Variants in RAB11A observed in about 807,000 individuals in gnomAD.
RAB11A encodes ras-related protein Rab-11A.
Under a neutral mutation model 28.0 loss-of-function variants are expected in RAB11A, and 9 were observed. The observed-to-expected ratio is 0.32, with a 90% CI of 0.19 to 0.56. RAB11A has a LOEUF of 0.56. RAB11A is among the 20% of genes least tolerant of loss of function. The pLI, the probability that RAB11A is intolerant of heterozygous loss-of-function variation, is 0.91. For synonymous variants in RAB11A, 85 were observed against 88.2 expected (o/e 0.96, Z 0.20); for missense variants, 108 against 269.6 (o/e 0.40, Z 4.20).
chr15:65,886,733 CAT>C (rs534946672), intron 4 of RAB11A, among the ~76,000 whole-genome samples: 3 of 152,198 alleles, frequency 2.0e-5, no homozygotes, highest in Admixed American at 6.5e-5. Flanking sequence ...TATCACAACA[CAT>C]GTTATATGTT....
At position 65,888,459 on chromosome 15, in the gene RAB11A, G is replaced by C. The variant is rs181133969; in HGVS notation, c.*619G>C. Reference sequence around the variant, plus strand: ...GCACTTTTTCTGGAGAATTCTCTTAGTAAACACAAAAGATTGTTACGGTTT... The same window carrying C: ...GCACTTTTTCTGGAGAATTCTCTTACTAAACACAAAAGATTGTTACGGTTT... On this transcript the variant is annotated 3_prime_UTR_variant, in exon 5 of 5. Transcript: ENST00000261890. The C allele has an allele frequency of 1.4e-4, 21 of 152,600 alleles. No individual in the cohort carries two copies. Among genetic ancestry groups the C allele is most frequent in the South Asian group, 2.1e-4 (1 of 4,818 alleles). 9.5% of individuals were successfully genotyped at this position (152,600 alleles called of 1,614,324 possible).
intron 4 of RAB11A, among the ~76,000 whole-genome samples, chr15:65,884,681 G>A (rs778654169): frequency 6.9e-4 from 104 of 150,396 alleles, no homozygotes; most frequent in South Asian, 6.3e-4. Flanking sequence ...TGCCACCAAA[G>A]CAATAAAGAG....
intron 1 of RAB11A, among the ~76,000 whole-genome samples, chr15:65,874,803 TG>T (rs1169365626): frequency 6.6e-6 from 1 of 152,036 alleles, no homozygotes; most frequent in Non-Finnish European, 1.5e-5. Flanking sequence ...CCCAGTACTT[TG>T]GGAGGCCAAA....
intron 4 of RAB11A, among the ~76,000 whole-genome samples, chr15:65,880,052 T>C (rs1379964054): frequency 6.6e-6 from 1 of 152,238 alleles, no homozygotes; most frequent in East Asian, 1.9e-4. Context: ...TTAAATGTAC[T>C]TTTATGAGGT....
Position 65,869,502 on chromosome 15 carries a change from G to C in RAB11A, c.-84G>C. 2.6e-6 allele frequency: 4 copies of C among 1,537,494 alleles called. No individual in the cohort carries two copies. The highest frequency in any genetic ancestry group is 2.3e-5 in the East Asian group (1 of 43,094). On this transcript the variant is annotated 5_prime_UTR_variant, in exon 1 of 5. Transcript: ENST00000261890. ...TCACCCAGTCCGGCAGTTGAAGCTC[G>C]GCGCTCGGGTTACCCCTGCAGCGAC...
rs189518093 is a variant in RAB11A, at chr15:65,874,223, A to T, written c.41-3109A>T. On this transcript the variant is annotated intron_variant, in intron 1 of 4. Transcript: ENST00000261890. The stretch of plus-strand genomic sequence containing the variant: ...CTCAAATACAGCAGATGTCTAGTTG[A>T]TAACTTTTTTTTTTTTTTTTGAGAT... 5.6e-3 allele frequency among the ~76,000 whole-genome samples: 843 copies of T among 151,666 alleles called. 8 individuals carry two copies. Among genetic ancestry groups the T allele is most frequent in the Non-Finnish European group, 8.2e-3 (559 of 67,884 alleles).
intron 4 of RAB11A, among the ~76,000 whole-genome samples, chr15:65,885,974 T>A (rs2078253504): frequency 6.6e-6 from 1 of 152,198 alleles, no homozygotes; most frequent in Non-Finnish European, 1.5e-5. Context: ...ATTGGTACAT[T>A]ATCTCGTGAA....
intron 4 of RAB11A, among the ~76,000 whole-genome samples, chr15:65,884,898 T>C (rs2078245861): frequency 6.6e-6 from 1 of 151,932 alleles, no homozygotes; most frequent in Non-Finnish European, 1.5e-5. Flanking sequence ...TATTTCCTTC[T>C]TTCAAAGGCA....
intron 1 of RAB11A, 27 bp downstream of exon 1, chr15:65,869,652 C>G: frequency 6.2e-7 from 1 of 1,604,148 alleles, no homozygotes. Context: ...TCGCACTCTA[C>G]ACAGTCCTCG....
chr15:65,878,875 C>A (rs1353384420), intron 3 of RAB11A, among the ~76,000 whole-genome samples: 6 of 152,122 alleles, frequency 3.9e-5, no homozygotes, highest in African/African-American at 1.4e-4. Flanking sequence ...ATGGAAATAA[C>A]TGGGCACTTG....
chr15:65,890,514 G>C lies in RAB11A; in HGVS notation c.*2674G>C, dbSNP rs552706689. The stretch of plus-strand genomic sequence containing the variant: ...ATTGCCCATTTAATTGTAATTATAA[G>C]AAGAGGTGCCAGCTAGTGACCTTAC... On this transcript the variant is annotated 3_prime_UTR_variant, in exon 5 of 5. Transcript: ENST00000261890. 24 of 152,276 alleles carry C rather than the reference G, an allele frequency of 1.6e-4. No homozygotes were observed. Among genetic ancestry groups the C allele is most frequent in the African/African-American group, 5.8e-4 (24 of 41,556 alleles). The allele number at this position is 152,276 out of a possible 1,614,324, so 9.4% of individuals were successfully genotyped here. A position where few individuals can be genotyped will look rare whatever the true frequency, so the allele number is the denominator to read the frequency against.
intron 3 of RAB11A, 80 bp downstream of exon 3, chr15:65,878,035 T>C (rs2078199581): frequency 1.5e-6 from 2 of 1,321,144 alleles, no homozygotes; most frequent in Admixed American, 3.4e-5. Flanking sequence ...TAATAGGTTA[T>C]AATAGTTTCA....
Position 65,877,329 on chromosome 15 carries a change from C to A in RAB11A, c.41-3C>A. The A allele has an allele frequency of 6.2e-7, 1 of 1,606,758 alleles. No homozygotes were observed. The highest frequency in any genetic ancestry group is 8.5e-7 in the Non-Finnish European group (1 of 1,175,238). On this transcript the variant is annotated splice_region_variant and splice_polypyrimidine_tract_variant and intron_variant, in intron 1 of 4. Coordinates refer to ENST00000261890, the MANE Select transcript of RAB11A (RefSeq NM_004663.5). This position sits in a 1 kb window ranked among gnomAD's most constrained non-coding sequence, Gnocchi z 4.1. ...TCTGACATTGAATTCTTTGTCTTTCCAGTTGTCCTTATTGGAGATTCTGGT... is the reference window on the plus strand; with the variant it reads ...TCTGACATTGAATTCTTTGTCTTTCAAGTTGTCCTTATTGGAGATTCTGGT...
chr15:65,886,677 A>G (rs2078257815), intron 4 of RAB11A, among the ~76,000 whole-genome samples: 1 of 152,208 alleles, frequency 6.6e-6, no homozygotes, highest in Non-Finnish European at 1.5e-5. Flanking sequence ...TTACATACAG[A>G]TACTTATTGT....
intron 4 of RAB11A, 135 bp from the exon 5 acceptor site, chr15:65,887,566 C>T (rs2078262829): frequency 1.2e-6 from 1 of 826,768 alleles, no homozygotes; most frequent in Non-Finnish European, 1.7e-6. Flanking sequence ...GAAAATAAAA[C>T]TTTAAATTTA....
intron 4 of RAB11A, among the ~76,000 whole-genome samples, chr15:65,880,163 A>G (rs935012658): frequency 6.6e-6 from 1 of 152,248 alleles, no homozygotes; most frequent in Admixed American, 6.5e-5. Context: ...ATAGCGACAA[A>G]ATAAAATTCT....
intron 3 of RAB11A, among the ~76,000 whole-genome samples, chr15:65,878,511 G>A (rs1466320665): frequency 6.6e-6 from 1 of 152,042 alleles, no homozygotes; most frequent in Non-Finnish European, 1.5e-5. Flanking sequence ...GTGAAACCCC[G>A]TCTCTACTAA....
At chr15:65,870,301 CA>C (rs1308486413) in intron 1 of RAB11A, among the ~76,000 whole-genome samples, 2 of 152,222 alleles carry the variant, frequency 1.3e-5, no homozygotes, top group African/African-American at 2.4e-5. Context: ...CCCCATTTGG[CA>C]ACTCTCTCTA....
Position 65,869,519 on chromosome 15 carries a change from T to C in RAB11A, c.-67T>C, listed in dbSNP as rs938597793. 8 of 1,583,298 alleles carry C rather than the reference T, an allele frequency of 5.1e-6. No individual in the cohort carries two copies. The highest frequency in any genetic ancestry group is 2.3e-5 in the South Asian group (2 of 88,366). ...TGAAGCTCGGCGCTCGGGTTACCCC[T>C]GCAGCGACGCCCCCTGGTCCCACAG... On this transcript the variant is annotated 5_prime_UTR_variant, in exon 1 of 5. Transcript: ENST00000261890.
Sources: gnomAD v4.1 joint callset for allele counts (sites outside exome capture counted in the v4.1 genomes callset) on GRCh38, gnomAD v4.1.1 for gene constraint, Gnocchi (gnomAD v3.1) non-coding constraint, MANE v1.5 for transcripts, NCBI Gene and HGNC (gene_info 2026-07-23, HGNC 2026-07-21) for gene names.